Variants in LRRTM4 observed in about 807,000 individuals in gnomAD.
LRRTM4 encodes leucine-rich repeat transmembrane neuronal protein 4.
LRRTM4 carries 25 observed loss-of-function variants against 47.6 expected under a neutral mutation model. The ratio of observed to expected loss-of-function variants is 0.53; its 90% CI spans 0.38 to 0.73. The LOEUF (loss-of-function observed/expected upper bound fraction) is 0.73. LRRTM4 is among the 30% of genes least tolerant of loss of function. The pLI, the probability that LRRTM4 is intolerant of heterozygous loss-of-function variation, is 0.00. For synonymous variants in LRRTM4, 311 were observed against 269.5 expected, an observed-to-expected ratio of 1.15 and a Z score of -1.51; for missense variants, 638 against 713.4, an observed-to-expected ratio of 0.89 and a Z score of 1.20.
At position 77,515,864 on chromosome 2, in the gene LRRTM4, T is replaced by C. The variant is rs74968479; in HGVS notation, c.1551+2454A>G. 6.4e-3 allele frequency among the ~76,000 whole-genome samples: 977 copies of C among 151,980 alleles called. 10 individuals carry two copies. Among genetic ancestry groups the C allele is most frequent in the African/African-American group, 0.023 (947 of 41,550 alleles). On this transcript the variant is annotated intron_variant, in intron 3 of 3. Transcript: ENST00000409884. The stretch of plus-strand genomic sequence containing the variant: ...AAGAAGTAAGAAGTAATTAGGGTTT[T>C]CCCTATAACAATTTCTAAGAGTTTG...
At chr2:76,911,478 A>C (rs1674053763) in intron 3 of LRRTM4, among the ~76,000 whole-genome samples, 1 of 152,224 alleles carries the variant, frequency 6.6e-6, no homozygotes, top group Non-Finnish European at 1.5e-5. Flanking sequence ...CAAGAATTTC[A>C]AAAATTTTAA....
At chr2:76,764,755 A>G (rs1673392207) in intron 3 of LRRTM4, among the ~76,000 whole-genome samples, 1 of 152,252 alleles carries the variant, frequency 6.6e-6, no homozygotes, top group South Asian at 2.1e-4. Flanking sequence ...TCCCACCAGG[A>G]GAGGACTATA....
chr2:76,804,015 C>CAACTCA (rs1675837732), intron 3 of LRRTM4, among the ~76,000 whole-genome samples: 1 of 152,152 alleles, frequency 6.6e-6, no homozygotes, highest in Non-Finnish European at 1.5e-5. Flanking sequence ...GAATTAAGCA[C>CAACTCA]TTTCTGTGTT....
At chr2:77,042,758 C>T (rs1679080189) in intron 3 of LRRTM4, among the ~76,000 whole-genome samples, 2 of 151,626 alleles carry the variant, frequency 1.3e-5, no homozygotes, top group African/African-American at 4.8e-5. Flanking sequence ...ATTTCCAGTG[C>T]TAGAACTGTG....
At chr2:77,050,615 G>C (rs901243629) in intron 3 of LRRTM4, among the ~76,000 whole-genome samples, 1 of 152,136 alleles carries the variant, frequency 6.6e-6, no homozygotes, top group Admixed American at 6.6e-5. Context: ...GTTATTGCCA[G>C]TAACTCCTTG....
Position 77,456,112 on chromosome 2 carries a change from C to T in LRRTM4, c.1551+62206G>A, listed in dbSNP as rs1009702468. On this transcript the variant is annotated intron_variant, in intron 3 of 3. Coordinates refer to ENST00000409884, the MANE Select transcript of LRRTM4 (RefSeq NM_001134745.3). Reference sequence around the variant, plus strand: ...AACTAATTTTACCCAGTCAGTGAGACATTGCTACAGAAAATCACAAATCCC... The same window carrying T: ...AACTAATTTTACCCAGTCAGTGAGATATTGCTACAGAAAATCACAAATCCC... Among the ~76,000 whole-genome samples the T allele has an allele frequency of 3.9e-5, 6 of 152,116 alleles. 1 individual carries two copies. Among genetic ancestry groups the T allele is most frequent in the Admixed American group, 3.3e-4 (5 of 15,268 alleles).
rs1671928138 is a variant in LRRTM4 at position 77,136,015 on chromosome 2, A to G, written c.1551+382303T>C. ...AAAAAAGGGTATTAAAAGGTTTAACATGGCGGCGGTTCCAAGATGGCCGAA... is the reference window on the plus strand; with the variant it reads ...AAAAAAGGGTATTAAAAGGTTTAACGTGGCGGCGGTTCCAAGATGGCCGAA... On this transcript the variant is annotated intron_variant, in intron 3 of 3. Coordinates refer to ENST00000409884, the MANE Select transcript of LRRTM4 (RefSeq NM_001134745.3). 4.6e-5 allele frequency among the ~76,000 whole-genome samples: 7 copies of G among 152,308 alleles called. No individual in the cohort carries two copies. The South Asian group carries it at 1.4e-3, about 32-fold the overall frequency.
intron 3 of LRRTM4, among the ~76,000 whole-genome samples, chr2:77,133,190 T>C (rs915349615): frequency 5.9e-5 from 9 of 152,208 alleles, no homozygotes; most frequent in Non-Finnish European, 1.2e-4. Flanking sequence ...AATAAAGCTA[T>C]GCTAGTGTTG....
chr2:76,952,935 G>C (rs1214240508), intron 3 of LRRTM4, among the ~76,000 whole-genome samples: 3 of 151,754 alleles, frequency 2.0e-5, no homozygotes, highest in African/African-American at 7.3e-5. Flanking sequence ...TGCAGGAAAA[G>C]GAAACTACTG....
intron 3 of LRRTM4, among the ~76,000 whole-genome samples, chr2:77,104,826 G>T (rs997841046): frequency 1.3e-5 from 2 of 152,102 alleles, no homozygotes; most frequent in Non-Finnish European, 2.9e-5. Flanking sequence ...TCACTTCAGG[G>T]CAAGGCCCCA....
chr2:77,201,663 TAA>T (rs1367702352), intron 3 of LRRTM4, among the ~76,000 whole-genome samples: 1 of 152,064 alleles, frequency 6.6e-6, no homozygotes, highest in Non-Finnish European at 1.5e-5. Flanking sequence ...AAATAAATTT[TAA>T]AAAGTCATAA....
rs188203400 is a variant in LRRTM4 at position 76,923,612 on chromosome 2, C to T, written c.1552-174696G>A. 4.2e-3 allele frequency among the ~76,000 whole-genome samples: 644 copies of T among 152,154 alleles called. 9 individuals are homozygous for T. The highest frequency in any genetic ancestry group is 0.015 in the African/African-American group (611 of 41,538). On this transcript the variant is annotated intron_variant, in intron 3 of 3. Coordinates refer to ENST00000409884, the MANE Select transcript of LRRTM4 (RefSeq NM_001134745.3). ...ACACAAGAAAATCTTGTTTCATCTA[C>T]TCCTCTACCCACATATTCTAGGAAA... is the stretch of plus-strand genomic sequence containing the variant.
At chr2:77,095,616 G>A (rs74967176) in intron 3 of LRRTM4, among the ~76,000 whole-genome samples, 20,288 of 150,334 alleles carry the variant, frequency 0.13, 1,985 homozygotes, top group East Asian at 0.37. Context: ...AATGATTCTC[G>A]TGCCTCAGCC....
At chr2:76,894,261 T>G (rs1197243866) in intron 3 of LRRTM4, among the ~76,000 whole-genome samples, 3 of 152,028 alleles carry the variant, frequency 2.0e-5, no homozygotes, top group Non-Finnish European at 4.4e-5. Context: ...TAGAAAACCT[T>G]ATGATACTTA....
intron 3 of LRRTM4, among the ~76,000 whole-genome samples, chr2:76,831,496 C>T (rs1410213909): frequency 6.6e-6 from 1 of 152,102 alleles, no homozygotes. Flanking sequence ...ATTACTCTAG[C>T]TTTGGGTTGA....
intron 3 of LRRTM4, among the ~76,000 whole-genome samples, chr2:77,048,797 A>G (rs969888733): frequency 2.4e-4 from 37 of 151,810 alleles, no homozygotes; most frequent in African/African-American, 8.7e-4. Context: ...TCTTCTAGCT[A>G]TTTCAAAATG....
intron 3 of LRRTM4, among the ~76,000 whole-genome samples, chr2:77,329,787 G>T (rs542635465): frequency 6.6e-6 from 1 of 152,154 alleles, no homozygotes; most frequent in South Asian, 2.1e-4. Flanking sequence ...GTGGAGAAGA[G>T]AGTGAAGGAT....
chr2:76,840,754 A>G (rs2103930927), intron 3 of LRRTM4, among the ~76,000 whole-genome samples: 1 of 152,278 alleles, frequency 6.6e-6, no homozygotes, highest in South Asian at 2.1e-4. Flanking sequence ...CTTGTTTCTA[A>G]TTATAAATTT....
intron 3 of LRRTM4, among the ~76,000 whole-genome samples, chr2:76,781,047 G>T (rs886923150): frequency 6.6e-6 from 1 of 151,992 alleles, no homozygotes; most frequent in Non-Finnish European, 1.5e-5. Context: ...CCCGTGCTTG[G>T]GGGTGCCTCC....
Sources: gnomAD v4.1 joint callset for allele counts (sites outside exome capture counted in the v4.1 genomes callset) on GRCh38, gnomAD v4.1.1 for gene constraint, MANE v1.5 for transcripts, NCBI Gene and HGNC (gene_info 2026-07-23, HGNC 2026-07-21) for gene names.